Variants in CIBAR2 observed in about 807,000 individuals in gnomAD.
CIBAR2 encodes CBY1-interacting BAR domain-containing protein 2.
A neutral mutation model predicts 36.2 loss-of-function variants in CIBAR2; 38 were observed. The ratio of observed to expected loss-of-function variants is 1.05; its 90% confidence interval spans 0.81 to 1.38. The LOEUF (loss-of-function observed/expected upper bound fraction) is 1.38, where lower values mean the gene tolerates loss of function less well. Among genes scored for constraint, CIBAR2 ranks in the 40% most tolerant of loss-of-function variants. The pLI is 0.00. For synonymous variants in CIBAR2, 182 were observed against 149.5 expected (o/e 1.22, Z -1.58); for missense variants, 481 against 383.4 (o/e 1.25, Z -2.13).
rs372094413 is a variant in CIBAR2 at position 85,103,053 on chromosome 16, C to T, written c.538-726G>A. 4.4e-4 allele frequency among the ~76,000 whole-genome samples: 67 copies of T among 152,216 alleles called. 2 individuals carry two copies. In the South Asian group the frequency reaches 0.014, roughly 32 times the overall value. ...AGTAGCTGGGATTACAGATGTGTGC[C>T]ACCACGCCTGGCTAATTTTTGTATT... is the stretch of plus-strand genomic sequence containing the variant. On this transcript the variant is annotated intron_variant, in intron 6 of 8. Transcript: ENST00000539556.
chr16:85,102,298 C>T lies in CIBAR2; in HGVS notation c.567G>A (p.Glu189=), dbSNP rs772244384. 6.2e-7 allele frequency: 1 copy of T among 1,613,352 alleles called. No individual in the cohort carries two copies. Among genetic ancestry groups the T allele is most frequent in the South Asian group, 1.1e-5 (1 of 91,056 alleles). The change falls in exon 7 of 9, where the codon GAG becomes GAA. Residue 189 remains glutamate (E), a synonymous_variant. Coordinates refer to ENST00000539556, the MANE Select transcript of CIBAR2 (RefSeq NM_198491.3). ...CCACCGCTTTGGCATGGAAAACCAT[C>T]TCAATAGTTACAAAGTCACAAAAAA... ...QKFFCDFVTI[E]MVFHAKAVEV...
intron 1 of CIBAR2, 129 bp from the exon 2 acceptor site, chr16:85,110,589 A>ACAC: frequency 3.2e-6 from 2 of 621,190 alleles, no homozygotes; most frequent in Non-Finnish European, 5.5e-6. Context: ...CGCACATGCC[A>ACAC]CAGGCTGTCA....
intron 2 of CIBAR2, among the ~76,000 whole-genome samples, chr16:85,108,682 G>C (rs2074017112): frequency 6.6e-6 from 1 of 152,122 alleles, no homozygotes; most frequent in Non-Finnish European, 1.5e-5. Context: ...AGACCAGCCT[G>C]GCCAACATGG....
At chr16:85,103,020 G>A (rs2073967969) in intron 6 of CIBAR2, among the ~76,000 whole-genome samples, 1 of 151,976 alleles carries the variant, frequency 6.6e-6, no homozygotes, top group Non-Finnish European at 1.5e-5. Flanking sequence ...TCCTGCCTCA[G>A]CCTCCTGAGT....
At position 85,099,311 on chromosome 16, in the gene CIBAR2, T is replaced by C; in HGVS notation, c.789A>G (p.Glu263=). 1 of 1,608,794 alleles carries C rather than the reference T, an allele frequency of 6.2e-7. No homozygotes were observed. The highest frequency in any genetic ancestry group is 2.2e-5 in the East Asian group (1 of 44,852). The change falls in exon 9 of 9, where the codon GAA becomes GAG. Residue 263 remains glutamate, a synonymous_variant. Coordinates refer to ENST00000539556, the MANE Select transcript of CIBAR2 (RefSeq NM_198491.3). ...GATTGGCATGAGGATGTTCAGGGTC[T>C]TCATTTGCCCTACTCAGCTGGACCT... ...TLQVQLSRAN[E]DPEHPHANHG...
intron 6 of CIBAR2, among the ~76,000 whole-genome samples, chr16:85,104,428 G>A (rs1458870465): frequency 6.6e-6 from 1 of 152,310 alleles, no homozygotes; most frequent in South Asian, 2.1e-4. Context: ...GATCCCTGGG[G>A]TAGGCGCGGT....
At position 85,099,108 on chromosome 16, in the gene CIBAR2, A is replaced by T; in HGVS notation, c.*77T>A. On this transcript the variant is annotated 3_prime_UTR_variant, in exon 9 of 9. Coordinates refer to ENST00000539556, the MANE Select transcript of CIBAR2 (RefSeq NM_198491.3). Reference sequence around the variant, plus strand: ...ATCCAACAAAGACAAAGAAAAAAGAATCAGAAAATAAGAACAAAGCCTCCA... The same window carrying T: ...ATCCAACAAAGACAAAGAAAAAAGATTCAGAAAATAAGAACAAAGCCTCCA... 1 of 1,430,276 alleles carries T rather than the reference A, an allele frequency of 7.0e-7. No homozygotes were observed. The highest frequency in any genetic ancestry group is 9.2e-7 in the Non-Finnish European group (1 of 1,085,266). The allele number at this position is 1,430,276 out of a possible 1,614,324, so 88.6% of individuals were successfully genotyped here. A position where few individuals can be genotyped will look rare whatever the true frequency, so the allele number is the denominator to read the frequency against.
chr16:85,105,232 A>G (rs1040093729), intron 6 of CIBAR2, 95 bp downstream of exon 6: 5 of 749,322 alleles, frequency 6.7e-6, no homozygotes, highest in Non-Finnish European at 1.1e-5. Context: ...ATACACACTC[A>G]TGCTGAAGCA....
rs1283003843 is a variant in CIBAR2, at chr16:85,098,737, C to G, written c.*448G>C. The G allele has an allele frequency of 1.7e-5, 11 of 653,522 alleles. No homozygotes were observed. Among genetic ancestry groups the G allele is most frequent in the Non-Finnish European group, 1.7e-5 (9 of 526,924 alleles). 40.5% of individuals were successfully genotyped at this position (653,522 alleles called of 1,614,324 possible). On this transcript the variant is annotated 3_prime_UTR_variant, in exon 9 of 9. Transcript: ENST00000539556. ...ACATCAGTAATGATAATGGCAGCAA[C>G]AAGTCTCAAGTGTTTGTTGCGCAAC...
At chr16:85,104,283 C>T (rs2073978008) in intron 6 of CIBAR2, among the ~76,000 whole-genome samples, 1 of 152,218 alleles carries the variant, frequency 6.6e-6, no homozygotes, top group African/African-American at 2.4e-5. Context: ...TGGAGTGCCG[C>T]AGGCAGGATG....
Position 85,112,233 on chromosome 16 carries a change from C to G in CIBAR2, c.20+100G>C, listed in dbSNP as rs927324947. 3.6e-6 allele frequency: 4 copies of G among 1,101,550 alleles called. No homozygotes were observed. In the African/African-American group the frequency reaches 4.6e-5, roughly 13 times the overall value. The allele number at this position is 1,101,550 out of a possible 1,614,324, so 68.2% of individuals were successfully genotyped here. ...GCTCCCCTCACCCCCAACCCCCACC[C>G]CAAGCAGCAGGCCCTGCTGCCCTCA... On this transcript the variant is annotated intron_variant, in intron 1 of 8. Transcript: ENST00000539556.
intron 7 of CIBAR2, among the ~76,000 whole-genome samples, chr16:85,101,835 A>G (rs560127629): frequency 6.6e-6 from 1 of 151,870 alleles, no homozygotes; most frequent in African/African-American, 2.4e-5. Context: ...ACGCCTGGCT[A>G]ATTTTGTATT....
Position 85,099,077 on chromosome 16 carries a change from A to G in CIBAR2, c.*108T>C. Reference sequence around the variant, plus strand: ...AGCTTGAAGACAAGGTCTTTGAATTAACACAATCCAACAAAGACAAAGAAA... The same window carrying G: ...AGCTTGAAGACAAGGTCTTTGAATTGACACAATCCAACAAAGACAAAGAAA... On this transcript the variant is annotated 3_prime_UTR_variant, in exon 9 of 9. Transcript: ENST00000539556. 6.1e-6 allele frequency: 8 copies of G among 1,309,774 alleles called. No homozygotes were observed. Among genetic ancestry groups the G allele is most frequent in the Non-Finnish European group, 8.1e-6 (8 of 993,486 alleles). 81.1% of individuals were successfully genotyped at this position (1,309,774 alleles called of 1,614,324 possible). A position where few individuals can be genotyped will look rare whatever the true frequency, so the allele number is the denominator to read the frequency against.
rs946914055 is a variant in CIBAR2 at position 85,112,222 on chromosome 16, C to T, written c.20+111G>A. On this transcript the variant is annotated intron_variant, in intron 1 of 8. Coordinates refer to ENST00000539556, the MANE Select transcript of CIBAR2 (RefSeq NM_198491.3). The stretch of plus-strand genomic sequence containing the variant: ...TGGGAGGGAGAGCTCCCCTCACCCC[C>T]AACCCCCACCCCAAGCAGCAGGCCC... 68 of 946,800 alleles carry T rather than the reference C, an allele frequency of 7.2e-5. 1 individual carries two copies. Among genetic ancestry groups the T allele is most frequent in the South Asian group, 5.6e-4 (41 of 73,690 alleles). The allele number at this position is 946,800 out of a possible 1,614,324, so 58.6% of individuals were successfully genotyped here.
intron 6 of CIBAR2, 23 bp downstream of exon 6, chr16:85,105,304 C>A: frequency 6.6e-7 from 1 of 1,526,592 alleles, no homozygotes; most frequent in South Asian, 1.1e-5. Context: ...AGGGCGCCTC[C>A]CATCCCGGCC....
chr16:85,109,395 T>C (rs55961236), intron 2 of CIBAR2, among the ~76,000 whole-genome samples: 29,613 of 152,114 alleles, frequency 0.19, 3,494 homozygotes, highest in African/African-American at 0.34. Flanking sequence ...AACATGGGCA[T>C]CGTGGGTTGT....
intron 7 of CIBAR2, among the ~76,000 whole-genome samples, chr16:85,100,709 A>C (rs543200193): frequency 9.7e-4 from 148 of 152,274 alleles, no homozygotes; most frequent in African/African-American, 3.5e-3. Context: ...TAACAAATGG[A>C]ATATGGCAAA....
rs770989501 is a variant in CIBAR2, at chr16:85,110,451, C to T, written c.30G>A (p.Gln10=). The T allele has an allele frequency of 1.9e-6, 3 of 1,595,586 alleles. No individual in the cohort carries two copies. The highest frequency in any genetic ancestry group is 2.7e-5 in the African/African-American group (2 of 74,504). The part of the protein sequence containing the change: MNIVFSRDS[Q]VRVMENTVAN... Reference sequence around the variant, plus strand: ...CCACGGTATTCTCCATCACCCTCACCTGGCTGTCCCTGTGGAGGCGGGGAC... The same window carrying T: ...CCACGGTATTCTCCATCACCCTCACTTGGCTGTCCCTGTGGAGGCGGGGAC... The change falls in exon 2 of 9, where the codon CAG becomes CAA. Residue 10 remains glutamine, a synonymous_variant. Transcript: ENST00000539556.
intron 1 of CIBAR2, among the ~76,000 whole-genome samples, chr16:85,111,420 C>T (rs1190391691): frequency 6.6e-6 from 1 of 152,190 alleles, no homozygotes; most frequent in African/African-American, 2.4e-5. Flanking sequence ...CCTCTGTTCC[C>T]GCAGGTAGGG....
Sources: gnomAD v4.1 joint callset for allele counts (sites outside exome capture counted in the v4.1 genomes callset) on GRCh38, gnomAD v4.1.1 for gene constraint, MANE v1.5 for transcripts, NCBI Gene and HGNC (gene_info 2026-07-23, HGNC 2026-07-21) for gene names.